The following RNF182 variants were observed in gnomAD, a reference collection of about 807,000 sequenced individuals.
RNF182 encodes ring finger protein 182.
RNF182 carries 15 observed loss-of-function variants against 14.4 expected under a neutral mutation model. The observed-to-expected ratio is 1.04, with a 90% CI of 0.70 to 1.60. The LOEUF (loss-of-function observed/expected upper bound fraction) is 1.60. Among genes scored for constraint, RNF182 ranks in the 40% most tolerant of loss-of-function variants. The pLI is 0.00. For missense variants in RNF182, 268 were observed against 294.8 expected (o/e 0.91, Z 0.67); for synonymous variants, 128 against 122.9 (o/e 1.04, Z -0.27).
chr6:13,951,274 A>C (rs575175520), intron 1 of RNF182, among the ~76,000 whole-genome samples: 7 of 152,324 alleles, frequency 4.6e-5, no homozygotes, highest in African/African-American at 1.7e-4. Flanking sequence ...TTCAAGGAAC[A>C]GGGTCAGGAA....
intron 1 of RNF182, among the ~76,000 whole-genome samples, chr6:13,946,212 G>A (rs775094637): frequency 6.7e-6 from 1 of 150,010 alleles, no homozygotes; most frequent in African/African-American, 2.5e-5. Flanking sequence ...TGTTGCCCAG[G>A]CTAGAGTGCA....
chr6:13,933,151 T>C (rs2113582268), intron 1 of RNF182, among the ~76,000 whole-genome samples: 1 of 152,310 alleles, frequency 6.6e-6, no homozygotes, highest in South Asian at 2.1e-4. Flanking sequence ...AATAGGAGAC[T>C]CCAAACCCTT....
At chr6:13,948,480 A>C (rs1286137436) in intron 1 of RNF182, among the ~76,000 whole-genome samples, 1 of 152,190 alleles carries the variant, frequency 6.6e-6, no homozygotes. Context: ...ACACATACCA[A>C]TAACACATTT....
At position 13,977,899 on chromosome 6, in the gene RNF182, C is replaced by T. The variant is rs1434270212; in HGVS notation, c.*36C>T. 6.5e-7 allele frequency: 1 copy of T among 1,548,812 alleles called. No individual in the cohort carries two copies. The highest frequency in any genetic ancestry group is 1.4e-5 in the African/African-American group (1 of 72,306). On this transcript the variant is annotated 3_prime_UTR_variant, in exon 3 of 3. Coordinates refer to ENST00000488300, the MANE Select transcript of RNF182 (RefSeq NM_152737.4). ...AAATAAGAAATTGGACACACATTGCCCTGTTTGAGTGTGAAGTTAGATAAT... is the reference window on the plus strand; with the variant it reads ...AAATAAGAAATTGGACACACATTGCTCTGTTTGAGTGTGAAGTTAGATAAT...
In RNF182 at chr6:13,978,428, G is replaced by A. The variant is rs1027083463; in HGVS notation, c.*565G>A. ...AGAGGAAACTCGGTTCCATTCCCTT[G>A]GGTAGTTTCAACTGAATACCAGTTT... On this transcript the variant is annotated 3_prime_UTR_variant, in exon 3 of 3. Coordinates refer to ENST00000488300, the MANE Select transcript of RNF182 (RefSeq NM_152737.4). 6.1e-6 allele frequency: 1 copy of A among 165,170 alleles called. No homozygotes were observed. The highest frequency in any genetic ancestry group is 1.5e-5 in the Non-Finnish European group (1 of 68,256). The allele number at this position is 165,170 out of a possible 1,614,324, so 10.2% of individuals were successfully genotyped here. A position where few individuals can be genotyped will look rare whatever the true frequency, so the allele number is the denominator to read the frequency against.
chr6:13,978,030 A>G lies in RNF182; in HGVS notation c.*167A>G. 3 of 794,280 alleles carry G rather than the reference A, an allele frequency of 3.8e-6. No homozygotes were observed. The highest frequency in any genetic ancestry group is 3.9e-6 in the Non-Finnish European group (2 of 509,062). 49.2% of individuals were successfully genotyped at this position (794,280 alleles called of 1,614,324 possible). Reference sequence around the variant, plus strand: ...TGGTTTTCCTGTAGGCTGGAAGTAAAAATGTTCATTTCTACTTAGGGGTTA... The same window carrying G: ...TGGTTTTCCTGTAGGCTGGAAGTAAGAATGTTCATTTCTACTTAGGGGTTA... On this transcript the variant is annotated 3_prime_UTR_variant, in exon 3 of 3. Coordinates refer to ENST00000488300, the MANE Select transcript of RNF182 (RefSeq NM_152737.4).
intron 1 of RNF182, among the ~76,000 whole-genome samples, chr6:13,942,191 G>T (rs1759315290): frequency 6.6e-6 from 1 of 152,142 alleles, no homozygotes; most frequent in African/African-American, 2.4e-5. Flanking sequence ...CTTTAGAGGT[G>T]ATGTGCCTTT....
intron 1 of RNF182, among the ~76,000 whole-genome samples, chr6:13,959,736 T>TG (rs1201991747): frequency 6.6e-6 from 1 of 152,108 alleles, no homozygotes; most frequent in South Asian, 2.1e-4. Context: ...TTTATTAAAA[T>TG]GGGGAAAACT....
chr6:13,959,799 C>T (rs1355225623), intron 1 of RNF182, among the ~76,000 whole-genome samples: 1 of 152,054 alleles, frequency 6.6e-6, no homozygotes, highest in Non-Finnish European at 1.5e-5. Flanking sequence ...TTGTCTTAGA[C>T]CTGTTAAATT....
At chr6:13,941,207 TGTCA>T (rs1759291065) in intron 1 of RNF182, among the ~76,000 whole-genome samples, 1 of 152,146 alleles carries the variant, frequency 6.6e-6, no homozygotes, top group Middle Eastern at 3.2e-3. Flanking sequence ...CCTTTCATTC[TGTCA>T]GTTTTTAAGT....
rs143579907 is a variant in RNF182, at chr6:13,972,349, C to T, written c.-366-1861C>T. On this transcript the variant is annotated intron_variant, in intron 1 of 2. Coordinates refer to ENST00000488300, the MANE Select transcript of RNF182 (RefSeq NM_152737.4). Reference sequence around the variant, plus strand: ...AGGGCATAAAAGTTGAGAAAATTTGCAGCTTGACGATGCAATAGAAAAGAA... The same window carrying T: ...AGGGCATAAAAGTTGAGAAAATTTGTAGCTTGACGATGCAATAGAAAAGAA... 5.1e-3 allele frequency among the ~76,000 whole-genome samples: 764 copies of T among 150,678 alleles called. 10 individuals carry two copies. Among genetic ancestry groups the T allele is most frequent in the African/African-American group, 0.018 (723 of 41,082 alleles).
rs114795764 is a variant in RNF182 at position 13,952,399 on chromosome 6, C to T, written c.-366-21811C>T. On this transcript the variant is annotated intron_variant, in intron 1 of 2. Transcript: ENST00000488300. ...AGGCAGATTAATCCACAGAGAAAAG[C>T]GGTCAACATCCCATAGTGTCAAATC... Among the ~76,000 whole-genome samples, 984 of 152,180 alleles carry T rather than the reference C, an allele frequency of 6.5e-3. 10 individuals carry two copies. Among genetic ancestry groups the T allele is most frequent in the African/African-American group, 0.023 (944 of 41,522 alleles).
rs1388625307 is a variant in RNF182 at position 13,979,603 on chromosome 6, T to C, written c.*1740T>C. 6.0e-6 allele frequency: 1 copy of C among 166,826 alleles called. No homozygotes were observed. Among genetic ancestry groups the C allele is most frequent in the Non-Finnish European group, 1.5e-5 (1 of 68,114 alleles). The allele number at this position is 166,826 out of a possible 1,614,324, so 10.3% of individuals were successfully genotyped here. On this transcript the variant is annotated 3_prime_UTR_variant, in exon 3 of 3. Coordinates refer to ENST00000488300, the MANE Select transcript of RNF182 (RefSeq NM_152737.4). ...TCATAAAATCTAGTTTAGATAGCAT[T>C]GTGATGCAATTTCCAGAAATCCATT...
chr6:13,929,799 C>T (rs1758920453), intron 1 of RNF182, among the ~76,000 whole-genome samples: 1 of 152,192 alleles, frequency 6.6e-6, no homozygotes, highest in South Asian at 2.1e-4. Context: ...TTACTGATAT[C>T]TACTAAGTGT....
At chr6:13,974,052 A>AGTCAGACTAT (rs1164932321) in intron 1 of RNF182, among the ~76,000 whole-genome samples, 158 bp from the exon 2 acceptor site, 1 of 152,198 alleles carries the variant, frequency 6.6e-6, no homozygotes, top group Non-Finnish European at 1.5e-5. Context: ...GACTAATTAT[A>AGTCAGACTAT]ACCCTAGAAA....
chr6:13,969,383 A>T (rs908854110), intron 1 of RNF182, among the ~76,000 whole-genome samples: 4 of 152,060 alleles, frequency 2.6e-5, no homozygotes, highest in African/African-American at 9.7e-5. Flanking sequence ...GTAGTGGAGT[A>T]TGTGATCAGC....
chr6:13,966,007 A>C (rs111595001), intron 1 of RNF182, among the ~76,000 whole-genome samples: 2,783 of 152,232 alleles, frequency 0.018, 63 homozygotes, highest in African/African-American at 0.056. Context: ...GACTGGAAGT[A>C]CTCTCCTGAG....
At position 13,977,832 on chromosome 6, in the gene RNF182, A is replaced by T; in HGVS notation, c.713A>T (p.Glu238Val). Residue 238 changes from glutamate (E) to valine (V), a missense_variant, in exon 3 of 3, where the codon GAA becomes GTA. Physicochemically the swap from Glu to Val is moderately radical, Grantham distance 121. Coordinates refer to ENST00000488300, the MANE Select transcript of RNF182 (RefSeq NM_152737.4). Reference sequence around the variant, plus strand: ...GGTTTTTGCCAGTGTGTTTGTCATGAATTTCTAGACTGTATGGCACCTCCT... The same window carrying T: ...GGTTTTTGCCAGTGTGTTTGTCATGTATTTCTAGACTGTATGGCACCTCCT... Reference protein sequence around the residue: ...VYGFCQCVCHEFLDCMAPPS With the variant: ...VYGFCQCVCHVFLDCMAPPS The T allele has an allele frequency of 6.2e-7, 1 of 1,614,044 alleles. No homozygotes were observed. The highest frequency in any genetic ancestry group is 8.5e-7 in the Non-Finnish European group (1 of 1,179,962).
intron 1 of RNF182, among the ~76,000 whole-genome samples, chr6:13,934,569 T>G (rs938814205): frequency 1.3e-5 from 2 of 152,228 alleles, no homozygotes; most frequent in Non-Finnish European, 2.9e-5. Flanking sequence ...CCAAAGGTGG[T>G]GCAGTGAGGT....
Sources: gnomAD v4.1 joint callset for allele counts (sites outside exome capture counted in the v4.1 genomes callset) on GRCh38, gnomAD v4.1.1 for gene constraint, MANE v1.5 for transcripts, NCBI Gene and HGNC (gene_info 2026-07-23, HGNC 2026-07-21) for gene names.